The following CAPZA2 variants were observed in gnomAD, a reference collection of about 807,000 sequenced individuals.
The protein encoded by CAPZA2 is capping actin protein of muscle Z-line subunit alpha 2, also known as F-actin-capping protein subunit alpha-2.
In CAPZA2, 13 loss-of-function variants were observed where a neutral mutation model predicts 44.0. The observed-to-expected ratio is 0.30, with a 90% confidence interval of 0.19 to 0.47. The LOEUF (loss-of-function observed/expected upper bound fraction) is 0.47, where lower values mean the gene tolerates loss of function less well. Ranked by LOEUF, CAPZA2 falls within the 20% of genes least tolerant of loss-of-function variation. The pLI is 1.00. For synonymous variants in CAPZA2, 94 were observed against 108.2 expected (o/e 0.87, Z 0.81); for missense variants, 244 against 338.6 (o/e 0.72, Z 2.19).
In CAPZA2 at chr7:116,919,907, T is replaced by C. The variant is rs190211647; in HGVS notation, c.*2040T>C. 1.4e-5 allele frequency: 2 copies of C among 147,690 alleles called. No homozygotes were observed. The highest frequency in any genetic ancestry group is 2.2e-4 in the South Asian group (1 of 4,630). The allele number at this position is 147,690 out of a possible 1,614,324, so 9.1% of individuals were successfully genotyped here. ...ATAATAATAATATAATTTAGAACAG[T>C]CTGAAATAATGATGGCACAGAATAG... On this transcript the variant is annotated 3_prime_UTR_variant, in exon 10 of 10. Coordinates refer to ENST00000361183, the MANE Select transcript of CAPZA2 (RefSeq NM_006136.3).
Position 116,890,509 on chromosome 7 carries a change from TAAAAA to T in CAPZA2, c.103+2332_103+2336del, listed in dbSNP as rs1159101707. Among the ~76,000 whole-genome samples, 25 of 29,238 alleles carry T rather than the reference TAAAAA, an allele frequency of 8.6e-4. 1 individual carries two copies. Among genetic ancestry groups the T allele is most frequent in the Middle Eastern group, 0.02 (1 of 50 alleles). The allele number at this position is 29,238 out of a possible 152,430, so 19.2% of individuals were successfully genotyped here. A position where few individuals can be genotyped will look rare whatever the true frequency, so the allele number is the denominator to read the frequency against. On this transcript the variant is annotated intron_variant, in intron 2 of 9. Transcript: ENST00000361183. ...AACATGGTGAAACCCTGTCTCTACT[TAAAAA>T]AAAAAAAAAAAATATATATATATAT...
At chr7:116,910,050 A>G in intron 6 of CAPZA2, 183 bp from the exon 7 acceptor site, 1 of 580,222 alleles carries the variant, frequency 1.7e-6, no homozygotes, top group Non-Finnish European at 3.1e-6. Context: ...TGAAAATTAA[A>G]TATGTATCAT....
At chr7:116,897,161 A>G (rs560879056) in intron 3 of CAPZA2, among the ~76,000 whole-genome samples, 1 of 152,232 alleles carries the variant, frequency 6.6e-6, no homozygotes, top group Admixed American at 6.5e-5. Context: ...GGCCCAATTT[A>G]CTGTTTAAAC....
At chr7:116,878,346 A>G (rs960307606) in intron 1 of CAPZA2, among the ~76,000 whole-genome samples, 1 of 152,250 alleles carries the variant, frequency 6.6e-6, no homozygotes, top group Non-Finnish European at 1.5e-5. Flanking sequence ...GACTTCATCC[A>G]GAGACTTCAT....
chr7:116,902,302 TA>T (rs1234669247), intron 4 of CAPZA2, among the ~76,000 whole-genome samples: 1 of 152,176 alleles, frequency 6.6e-6, no homozygotes, highest in African/African-American at 2.4e-5. Context: ...CCAGGAAGTA[TA>T]AAAGATGGAC....
At chr7:116,879,569 A>G (rs1796664676) in intron 1 of CAPZA2, among the ~76,000 whole-genome samples, 8 of 152,120 alleles carry the variant, frequency 5.3e-5, no homozygotes. Context: ...TGCACAAACT[A>G]GATCCCTCGC....
chr7:116,877,059 G>T (rs947552214), intron 1 of CAPZA2, among the ~76,000 whole-genome samples: 8 of 152,198 alleles, frequency 5.3e-5, no homozygotes, highest in African/African-American at 1.9e-4. Flanking sequence ...AGATTGTTTG[G>T]CTAGGGGACC....
intron 1 of CAPZA2, among the ~76,000 whole-genome samples, chr7:116,882,670 A>G (rs1189932994): frequency 6.6e-6 from 1 of 152,160 alleles, no homozygotes; most frequent in Admixed American, 6.6e-5. Context: ...TATAGTGACT[A>G]GTGATGTGTG....
intron 6 of CAPZA2, among the ~76,000 whole-genome samples, chr7:116,907,171 G>A (rs1178873828): frequency 7.9e-5 from 12 of 152,202 alleles, no homozygotes; most frequent in Admixed American, 6.5e-5. Context: ...TTGGGTTCAT[G>A]GCCCAAGGTT....
At chr7:116,911,660 T>C (rs1284875331) in intron 7 of CAPZA2, among the ~76,000 whole-genome samples, 2 of 152,230 alleles carry the variant, frequency 1.3e-5, no homozygotes, top group Admixed American at 6.5e-5. Context: ...CAGCAGTGTT[T>C]ACAGCACTCA....
At chr7:116,912,012 C>T in intron 7 of CAPZA2, 57 bp from the exon 8 acceptor site, 9 of 1,603,340 alleles carry the variant, frequency 5.6e-6, no homozygotes, top group Non-Finnish European at 7.7e-6. Flanking sequence ...CTTGTTGACG[C>T]AATAAGGTTC....
At chr7:116,910,020 G>A (rs1791569891) in intron 6 of CAPZA2, 2 of 529,950 alleles carry the variant, frequency 3.8e-6, no homozygotes, top group African/African-American at 3.8e-5. Flanking sequence ...CATTATGTAA[G>A]TTCTTTCTTA....
intron 2 of CAPZA2, among the ~76,000 whole-genome samples, chr7:116,889,267 C>T (rs1796801055): frequency 6.6e-6 from 1 of 152,216 alleles, no homozygotes; most frequent in Non-Finnish European, 1.5e-5. Flanking sequence ...CAAGTACTAT[C>T]TATAAATGTG....
At chr7:116,890,522 AAAAATATATATATATATAT>A (rs1796819087) in intron 2 of CAPZA2, among the ~76,000 whole-genome samples, 1 of 38,720 alleles carries the variant, frequency 2.6e-5, no homozygotes, top group Non-Finnish European at 4.3e-5. Context: ...AAAAAAAAAA[AAAAATATATATATATATAT>A]ATATATATAT....
Position 116,893,059 on chromosome 7 carries a change from A to G in CAPZA2, c.155+14A>G, listed in dbSNP as rs1189675177. On this transcript the variant is annotated intron_variant, in intron 3 of 9. Coordinates refer to ENST00000361183, the MANE Select transcript of CAPZA2 (RefSeq NM_006136.3). Reference sequence around the variant, plus strand: ...AGGAGCAGCCCAGTAAGTATTATTTATCATACTAACCTAACTAAAATGACA... The same window carrying G: ...AGGAGCAGCCCAGTAAGTATTATTTGTCATACTAACCTAACTAAAATGACA... 2.6e-6 allele frequency: 4 copies of G among 1,551,676 alleles called. No homozygotes were observed. The highest frequency in any genetic ancestry group is 2.7e-5 in the African/African-American group (2 of 73,332).
At chr7:116,869,505 T>C (rs1415765153) in intron 1 of CAPZA2, among the ~76,000 whole-genome samples, 1 of 152,256 alleles carries the variant, frequency 6.6e-6, no homozygotes, top group Non-Finnish European at 1.5e-5. Flanking sequence ...GATACTTTTT[T>C]ATATTTTAAG....
chr7:116,875,527 A>G (rs1271912438), intron 1 of CAPZA2: 2 of 150,738 alleles, frequency 1.3e-5, no homozygotes, highest in African/African-American at 4.9e-5. Context: ...TAGATTTGCA[A>G]TAAATTGGAG....
rs1796724889 is a variant in CAPZA2 at position 116,883,473 on chromosome 7, C to T, written c.40-4654C>T. Among the ~76,000 whole-genome samples, 3 of 152,246 alleles carry T rather than the reference C, an allele frequency of 2.0e-5. No individual in the cohort carries two copies. The South Asian group carries it at 6.2e-4, about 32-fold the overall frequency. ...TCTTTTGTCTAGGGCCTGAGAAATC[C>T]AAAGGTCAGATTCTTACCTTTTGAA... On this transcript the variant is annotated intron_variant, in intron 1 of 9. Coordinates refer to ENST00000361183, the MANE Select transcript of CAPZA2 (RefSeq NM_006136.3).
intron 4 of CAPZA2, among the ~76,000 whole-genome samples, chr7:116,899,553 A>C (rs1039527875): frequency 6.6e-6 from 1 of 151,758 alleles, no homozygotes; most frequent in Non-Finnish European, 1.5e-5. Flanking sequence ...CTTGTAACTG[A>C]AGGGAAATTT....
Sources: gnomAD v4.1 joint callset for allele counts (sites outside exome capture counted in the v4.1 genomes callset) on GRCh38, gnomAD v4.1.1 for gene constraint, MANE v1.5 for transcripts, NCBI Gene and HGNC (gene_info 2026-07-23, HGNC 2026-07-21) for gene names.